TTC39B: variants seen among roughly 807,000 people sequenced by gnomAD.
The protein encoded by TTC39B is tetratricopeptide repeat domain 39B.
Under a neutral mutation model 96.6 loss-of-function variants are expected in TTC39B, and 92 were observed. That is an observed-to-expected ratio of 0.95 (90% CI 0.80 to 1.13). The LOEUF is 1.13. Among genes scored for constraint, TTC39B ranks in the 50% most tolerant of loss-of-function variants. The probability of loss-of-function intolerance (pLI) is 0.00; values close to 1 mark genes in which losing one functional copy is unlikely to be tolerated. For synonymous variants in TTC39B, 367 were observed against 299.4 expected (o/e 1.23, Z -2.33); for missense variants, 955 against 809.3 (o/e 1.18, Z -2.18).
rs375601423 is a variant in TTC39B, at chr9:15,270,329, G to A, written c.241-2381C>T. Among the ~76,000 whole-genome samples the A allele has an allele frequency of 1.2e-3, 181 of 152,176 alleles. 1 individual carries two copies. Among genetic ancestry groups the A allele is most frequent in the African/African-American group, 3.4e-3 (140 of 41,512 alleles). On this transcript the variant is annotated intron_variant, in intron 1 of 19. Coordinates refer to ENST00000512701, the Ensembl canonical transcript of TTC39B. ...GTAGTTACAGAGAAGGGAGGAAAAC[G>A]TATTCTCCAGGAACCCAAATCTCAC... is the stretch of plus-strand genomic sequence containing the variant.
At chr9:15,201,413 G>A (rs1445507735) in intron 7 of TTC39B, among the ~76,000 whole-genome samples, 1 of 152,160 alleles carries the variant, frequency 6.6e-6, no homozygotes, top group Non-Finnish European at 1.5e-5. Context: ...CATGCACGGG[G>A]ACGGGATCAT....
At chr9:15,279,497 C>T (rs185877588) in intron 1 of TTC39B, among the ~76,000 whole-genome samples, 11 of 152,296 alleles carry the variant, frequency 7.2e-5, no homozygotes, top group Admixed American at 3.9e-4. Context: ...CCAGTTTCAC[C>T]ACCCACTGGC....
At chr9:15,278,523 C>A (rs986267423) in intron 1 of TTC39B, among the ~76,000 whole-genome samples, 9 of 152,234 alleles carry the variant, frequency 5.9e-5, no homozygotes, top group African/African-American at 2.2e-4. Context: ...AGTGCCAACT[C>A]TATCCAATCT....
At chr9:15,244,579 TTAGAGGAGTTA>T (rs1330926044) in intron 2 of TTC39B, among the ~76,000 whole-genome samples, 1 of 152,124 alleles carries the variant, frequency 6.6e-6, no homozygotes, top group Non-Finnish European at 1.5e-5. Flanking sequence ...GCTGATGTTA[TTAGAGGAGTTA>T]TAGAGGAGTA....
chr9:15,260,446 C>CA (rs141523439), intron 2 of TTC39B, among the ~76,000 whole-genome samples: 13,664 of 150,610 alleles, frequency 0.091, 835 homozygotes, highest in African/African-American at 0.18. Flanking sequence ...AAATTGGGGC[C>CA]AAAAAAAACA....
chr9:15,288,652 G>T (rs997774354), intron 1 of TTC39B, among the ~76,000 whole-genome samples: 4 of 152,198 alleles, frequency 2.6e-5, no homozygotes, highest in Non-Finnish European at 4.4e-5. Context: ...CACTGGACAA[G>T]GGCCTGGGTA....
At position 15,266,980 on chromosome 9, in the gene TTC39B, A is replaced by G. The variant is rs576190112; in HGVS notation, c.275+934T>C. On this transcript the variant is annotated intron_variant, in intron 2 of 19. Coordinates refer to ENST00000512701, the Ensembl canonical transcript of TTC39B. ...TGTAATCCCAGCTACTTGGGAGGCT[A>G]AGGCAGCAGAATGGCGTGAACCTGG... 8.5e-5 allele frequency among the ~76,000 whole-genome samples: 13 copies of G among 152,244 alleles called. No individual in the cohort carries two copies. The East Asian group carries it at 1.4e-3, about 16-fold the overall frequency.
chr9:15,210,966 G>GGCTT (rs1313236475), intron 5 of TTC39B, among the ~76,000 whole-genome samples: 1 of 152,162 alleles, frequency 6.6e-6, no homozygotes, highest in Non-Finnish European at 1.5e-5. Flanking sequence ...TTCCTTGTGT[G>GGCTT]GCTTGGTTTG....
chr9:15,295,007 T>C (rs1407572733), intron 1 of TTC39B, among the ~76,000 whole-genome samples: 2 of 152,228 alleles, frequency 1.3e-5, no homozygotes, highest in Non-Finnish European at 2.9e-5. Context: ...CTCCAGAACT[T>C]ACAACCAAAC....
At chr9:15,268,194 G>A (rs1362264026) in intron 1 of TTC39B, among the ~76,000 whole-genome samples, 1 of 151,914 alleles carries the variant, frequency 6.6e-6, no homozygotes, top group Non-Finnish European at 1.5e-5. Flanking sequence ...TGATCAAACT[G>A]GCCTAATTTA....
chr9:15,256,233 C>T lies in TTC39B; in HGVS notation c.275+11681G>A, dbSNP rs1427350904. On this transcript the variant is annotated intron_variant, in intron 2 of 19. Transcript: ENST00000512701. ...CACTATTTTCTGCTTCCTTCTACCA[C>T]GTGAGGACACAAAGAAGGCACCATC... Among the ~76,000 whole-genome samples the T allele has an allele frequency of 2.0e-5, 3 of 151,974 alleles. 1 individual carries two copies. The highest frequency in any genetic ancestry group is 2.1e-4 in the South Asian group (1 of 4,816).
chr9:15,269,178 T>G (rs1346222694), intron 1 of TTC39B, among the ~76,000 whole-genome samples: 1 of 152,222 alleles, frequency 6.6e-6, no homozygotes, highest in East Asian at 1.9e-4. Flanking sequence ...TTAAAATTAC[T>G]AGGAATAGCA....
rs548593175 is a variant in TTC39B at position 15,184,904 on chromosome 9, G to C, written c.1614+376C>G. 3.9e-5 allele frequency among the ~76,000 whole-genome samples: 6 copies of C among 152,096 alleles called. No homozygotes were observed. The South Asian group carries it at 1.2e-3, about 32-fold the overall frequency. On this transcript the variant is annotated intron_variant, in intron 16 of 19. Coordinates refer to ENST00000512701, the Ensembl canonical transcript of TTC39B. ...TATTTCCTCTTACTTTTTTAATGTG[G>C]CTATTAGAAAAGGTAAAATTACATA...
intron 1 of TTC39B, among the ~76,000 whole-genome samples, chr9:15,301,436 G>A (rs961386036): frequency 3.3e-5 from 5 of 152,206 alleles, no homozygotes; most frequent in East Asian, 1.9e-4. Context: ...CCTGCCAGGC[G>A]TTCAATGAAC....
intron 2 of TTC39B, among the ~76,000 whole-genome samples, chr9:15,257,598 C>T (rs13292384): frequency 6.6e-6 from 1 of 152,024 alleles, no homozygotes; most frequent in African/African-American, 2.4e-5. Context: ...ACAGATGTGT[C>T]ACCACACCTG....
In TTC39B at chr9:15,226,004, T is replaced by G. The variant is rs1199519723; in HGVS notation, c.284A>C (p.His95Pro). The G allele has an allele frequency of 5.0e-6, 8 of 1,613,342 alleles. No individual in the cohort carries two copies. Among genetic ancestry groups the G allele is most frequent in the African/African-American group, 1.3e-5 (1 of 74,932 alleles). ...AAGGCTGCTTGTTGCCATATCTGAGTGAGAAGATCTGTTAATTAAAAAGGC... is the reference window on the plus strand; with the variant it reads ...AAGGCTGCTTGTTGCCATATCTGAGGGAGAAGATCTGTTAATTAAAAAGGC... Residue 95 changes from histidine to proline, a missense_variant, in exon 3 of 20, where the codon CAC (histidine) becomes CCC (proline). His to Pro is a moderately conservative substitution (Grantham distance 77). Transcript: ENST00000512701.
intron 2 of TTC39B, among the ~76,000 whole-genome samples, chr9:15,230,999 A>C (rs1319563320): frequency 1.4e-5 from 2 of 147,050 alleles, no homozygotes; most frequent in African/African-American, 2.6e-5. Context: ...AAAAAAAAAA[A>C]CAAACAAGTT....
intron 2 of TTC39B, among the ~76,000 whole-genome samples, chr9:15,264,113 C>A (rs768339543): frequency 1.9e-4 from 29 of 152,172 alleles, no homozygotes; most frequent in Admixed American, 3.3e-4. Flanking sequence ...TAAGGAGCTG[C>A]AGTCTTCAGG....
intron 8 of TTC39B, among the ~76,000 whole-genome samples, chr9:15,199,538 A>T (rs929939361): frequency 6.6e-6 from 1 of 151,670 alleles, no homozygotes; most frequent in African/African-American, 2.4e-5. Context: ...GATCGAGACC[A>T]TCCTGACTAA....
Sources: gnomAD v4.1 joint callset for allele counts (sites outside exome capture counted in the v4.1 genomes callset) on GRCh38, gnomAD v4.1.1 for gene constraint, MANE v1.5 for transcripts, NCBI Gene and HGNC (gene_info 2026-07-23, HGNC 2026-07-21) for gene names.